CAPZB: variants seen among roughly 807,000 people sequenced by gnomAD.
CAPZB encodes capping actin protein of muscle Z-line subunit beta.
Under a neutral mutation model 38.1 loss-of-function variants are expected in CAPZB, and 2 were observed. That is an observed-to-expected ratio of 0.05 (90% CI 0.02 to 0.17). CAPZB has a LOEUF of 0.17. Ranked by LOEUF, CAPZB falls within the 10% of genes least tolerant of loss-of-function variation. The pLI is 1.00. For missense variants in CAPZB, 161 were observed against 334.2 expected, an observed-to-expected ratio of 0.48 and a Z score of 4.04; for synonymous variants, 107 against 127.4, an observed-to-expected ratio of 0.84 and a Z score of 1.08.
chr1:19,362,196 A>AT (rs5772840), intron 4 of CAPZB, among the ~76,000 whole-genome samples: 48,171 of 151,814 alleles, frequency 0.32, 8,457 homozygotes, highest in Admixed American at 0.44. Context: ...TTTTTATTAT[A>AT]TTTTTTTGAG....
chr1:19,419,573 G>A (rs1463804569), intron 2 of CAPZB, 88 bp downstream of exon 2: 2 of 761,516 alleles, frequency 2.6e-6, no homozygotes, highest in Non-Finnish European at 4.6e-6. Context: ...GGTTTCCTGT[G>A]TTGTGAATTC....
At chr1:19,458,400 C>G (rs34375148) in intron 1 of CAPZB, among the ~76,000 whole-genome samples, 3 of 152,310 alleles carry the variant, frequency 2.0e-5, no homozygotes, top group Non-Finnish European at 4.4e-5. Flanking sequence ...GTTGCCCAGG[C>G]TGGAGTGCAG....
chr1:19,385,672 C>T (rs1257889042), intron 2 of CAPZB, 46 bp from the exon 3 acceptor site: 3 of 1,613,626 alleles, frequency 1.9e-6, no homozygotes, highest in Non-Finnish European at 1.7e-6. Context: ...TAAAACAGCA[C>T]ACCAAACTCA....
chr1:19,359,793 C>T (rs1045918948), intron 4 of CAPZB, among the ~76,000 whole-genome samples: 1 of 152,238 alleles, frequency 6.6e-6, no homozygotes, highest in African/African-American at 2.4e-5. Flanking sequence ...TGAACAGACA[C>T]ACCTGTGAGG....
At chr1:19,400,255 T>A (rs2094295961) in intron 2 of CAPZB, among the ~76,000 whole-genome samples, 1 of 151,964 alleles carries the variant, frequency 6.6e-6, no homozygotes, top group Admixed American at 6.6e-5. Flanking sequence ...CCTTCATGAA[T>A]CTGGCATGTG....
chr1:19,383,446 CAAAAAAA>C lies in CAPZB; in HGVS notation c.215+2052_215+2058del, dbSNP rs528617668. ...TGGACAACAGAGTGAGACTCTGTCT[CAAAAAAA>C]AAAAAAAAAAAAATTAGCTGGGCAT... On this transcript the variant is annotated intron_variant, in intron 3 of 8. Transcript: ENST00000264202. 3.4e-5 allele frequency among the ~76,000 whole-genome samples: 4 copies of C among 118,068 alleles called. No homozygotes were observed. In the East Asian group the frequency reaches 7.8e-4, roughly 23 times the overall value. 77.5% of individuals were successfully genotyped at this position (118,068 alleles called of 152,430 possible). A position where few individuals can be genotyped will look rare whatever the true frequency, so the allele number is the denominator to read the frequency against.
At chr1:19,432,056 A>G (rs200007206) in intron 1 of CAPZB, among the ~76,000 whole-genome samples, 9 of 86,078 alleles carry the variant, frequency 1.0e-4, no homozygotes, top group African/African-American at 3.0e-4. Context: ...AAAAAAAAAA[A>G]AAAAAAAAAG....
chr1:19,365,751 T>C (rs2094080524), intron 4 of CAPZB, among the ~76,000 whole-genome samples: 1 of 151,954 alleles, frequency 6.6e-6, no homozygotes, highest in Non-Finnish European at 1.5e-5. Flanking sequence ...GGAGAATCGC[T>C]TGAACCCGGG....
At chr1:19,484,302 T>C (rs774710007) in intron 1 of CAPZB, 2 of 1,604,630 alleles carry the variant, frequency 1.2e-6, no homozygotes, top group South Asian at 2.2e-5. Flanking sequence ...ATATGCTGGA[T>C]CCAGGGCCTG....
intron 4 of CAPZB, among the ~76,000 whole-genome samples, chr1:19,376,186 C>T (rs1204521994): frequency 6.6e-6 from 1 of 152,226 alleles, no homozygotes; most frequent in Non-Finnish European, 1.5e-5. Flanking sequence ...CAGTAATAAG[C>T]CAGAGTACAG....
chr1:19,373,534 T>G (rs2094129851), intron 4 of CAPZB, among the ~76,000 whole-genome samples: 1 of 152,120 alleles, frequency 6.6e-6, no homozygotes, highest in East Asian at 1.9e-4. Flanking sequence ...GATTTTTCTC[T>G]CCGGTGGCAG....
intron 1 of CAPZB, among the ~76,000 whole-genome samples, chr1:19,442,166 T>TA (rs1304272566): frequency 1.3e-4 from 20 of 151,802 alleles, no homozygotes; most frequent in Admixed American, 3.3e-4. Flanking sequence ...ACTGTAATCC[T>TA]AAAAAAAAGG....
At chr1:19,433,185 G>T (rs1212731090) in intron 1 of CAPZB, among the ~76,000 whole-genome samples, 1 of 152,182 alleles carries the variant, frequency 6.6e-6, no homozygotes, top group Non-Finnish European at 1.5e-5. Flanking sequence ...CCTGCACTTT[G>T]TCAACTGGCA....
chr1:19,342,877 T>C, intron 8 of CAPZB: 1 of 1,499,090 alleles, frequency 6.7e-7, no homozygotes. Context: ...ACAGAGAGTG[T>C]TCAAGATGAG....
rs552936972 is a variant in CAPZB at position 19,481,830 on chromosome 1, T to C, written c.3+3606A>G. Reference sequence around the variant, plus strand: ...TAGCTCATGCAGATGTGCCTGCAGGTACACTGAACAAGGCTCTTTCCCCCT... The same window carrying C: ...TAGCTCATGCAGATGTGCCTGCAGGCACACTGAACAAGGCTCTTTCCCCCT... On this transcript the variant is annotated intron_variant, in intron 1 of 8. Transcript: ENST00000264202. Among the ~76,000 whole-genome samples the C allele has an allele frequency of 3.3e-5, 5 of 152,206 alleles. No homozygotes were observed. The East Asian group carries it at 9.7e-4, about 29-fold the overall frequency.
intron 1 of CAPZB, among the ~76,000 whole-genome samples, chr1:19,432,392 A>G (rs1382014090): frequency 6.6e-6 from 1 of 152,196 alleles, no homozygotes. Context: ...CAGTGAGCTG[A>G]GATAGCACCA....
At chr1:19,460,438 G>A (rs530348557) in intron 1 of CAPZB, among the ~76,000 whole-genome samples, 9 of 152,192 alleles carry the variant, frequency 5.9e-5, no homozygotes, top group South Asian at 2.1e-4. Flanking sequence ...CACCGCGCCC[G>A]GCTAATTTTT....
At chr1:19,462,374 C>A (rs544281826) in intron 1 of CAPZB, among the ~76,000 whole-genome samples, 3 of 151,634 alleles carry the variant, frequency 2.0e-5, no homozygotes, top group Non-Finnish European at 1.5e-5. Context: ...AGGAGAATGG[C>A]GTGAACCTGG....
chr1:19,363,964 T>C (rs2094069122), intron 4 of CAPZB, among the ~76,000 whole-genome samples: 1 of 152,180 alleles, frequency 6.6e-6, no homozygotes, highest in Non-Finnish European at 1.5e-5. Flanking sequence ...AAACAGACTC[T>C]GTGGTTCTAG....
Sources: allele counts gnomAD v4.1 joint callset (sites outside exome capture counted in the v4.1 genomes callset), GRCh38; gene constraint gnomAD v4.1.1; transcripts MANE v1.5; gene names NCBI Gene and HGNC (gene_info 2026-07-23, HGNC 2026-07-21).